The following MID1 variants were observed in gnomAD, a reference collection of about 807,000 sequenced individuals.
MID1 encodes the protein E3 ubiquitin-protein ligase Midline-1.
In MID1, 7 loss-of-function variants were observed where a neutral mutation model predicts 40.4. The observed-to-expected ratio is 0.17, with a 90% confidence interval of 0.10 to 0.33. MID1 has a LOEUF of 0.33. Ranked by LOEUF, MID1 falls within the 10% of genes least tolerant of loss-of-function variation. The pLI, the probability that MID1 is intolerant of heterozygous loss-of-function variation, is 1.00. For synonymous variants in MID1, 229 were observed against 221.2 expected, an observed-to-expected ratio of 1.04 and a Z score of -0.31; for missense variants, 367 against 558.5, an observed-to-expected ratio of 0.66 and a Z score of 3.46.
At chrX:10,747,540 G>C (rs1461347377) in intron 1 of MID1, among the ~76,000 whole-genome samples, 2 of 112,191 alleles carry the variant, frequency 1.8e-5, no homozygotes, top group African/African-American at 6.5e-5. Context: ...TTTTTTAGAA[G>C]TCTATTTGGT....
intron 1 of MID1, among the ~76,000 whole-genome samples, chrX:10,679,246 G>A (rs1484833434): frequency 8.9e-6 from 1 of 112,254 alleles, no homozygotes. Flanking sequence ...AAGAGGGCAT[G>A]GGGCTGAGGG....
intron 1 of MID1, among the ~76,000 whole-genome samples, chrX:10,570,573 T>C (rs1053654874): frequency 1.8e-5 from 2 of 112,577 alleles, no homozygotes; most frequent in Non-Finnish European, 3.7e-5. Flanking sequence ...TTAAATGTAC[T>C]GACTTTTCAG....
chrX:10,781,511 T>C (rs1003125280), intron 1 of MID1, among the ~76,000 whole-genome samples: 8 of 111,810 alleles, frequency 7.2e-5, no homozygotes, highest in Non-Finnish European at 1.5e-4. Context: ...TTTCTCAGAG[T>C]CTTTCTAGTG....
At chrX:10,556,110 A>T (rs186328051) in intron 2 of MID1, among the ~76,000 whole-genome samples, 2 of 110,765 alleles carry the variant, frequency 1.8e-5, no homozygotes, top group East Asian at 5.6e-4. Flanking sequence ...AAAAAAAAAG[A>T]AAGCTAGCCC....
intron 8 of MID1, among the ~76,000 whole-genome samples, chrX:10,456,666 A>G (rs753683015): frequency 1.8e-5 from 2 of 111,347 alleles, no homozygotes; most frequent in Non-Finnish European, 3.8e-5. Context: ...GTAAAACCCC[A>G]TCTCTACTAA....
chrX:10,562,547 C>T (rs1370313703), intron 2 of MID1, among the ~76,000 whole-genome samples: 1 of 104,715 alleles, frequency 9.5e-6, no homozygotes, highest in Non-Finnish European at 1.9e-5. Context: ...ATAAGTGAGA[C>T]CATATGCAAT....
At chrX:10,475,499 T>C (rs73492954) in intron 5 of MID1, among the ~76,000 whole-genome samples, 2,591 of 111,977 alleles carry the variant, frequency 0.023, 61 homozygotes, top group African/African-American at 0.081. Context: ...TCTCCTTCTA[T>C]GTACTCTCAG....
chrX:10,468,858 T>C (rs983396762), intron 7 of MID1, among the ~76,000 whole-genome samples: 3 of 112,338 alleles, frequency 2.7e-5, no homozygotes, highest in Non-Finnish European at 3.8e-5. Context: ...TGGGACCAGG[T>C]ATTTAACTTT....
chrX:10,754,323 G>GGT (rs2043618864), intron 1 of MID1, among the ~76,000 whole-genome samples: 1 of 106,185 alleles, frequency 9.4e-6, no homozygotes, highest in African/African-American at 3.7e-5. Flanking sequence ...TTTGTTTTTT[G>GGT]TTTTTTTTGT....
chrX:10,750,557 G>A (rs1172343755), intron 1 of MID1, among the ~76,000 whole-genome samples: 1 of 110,681 alleles, frequency 9.0e-6, no homozygotes, highest in East Asian at 2.8e-4. Context: ...CTGGAACCTG[G>A]GAGGAGGAGG....
At chrX:10,704,714 G>GTA (rs1272594142) in intron 1 of MID1, among the ~76,000 whole-genome samples, 44 of 68,961 alleles carry the variant, frequency 6.4e-4, no homozygotes, top group Middle Eastern at 7.5e-3. Context: ...ATGTGTGTGT[G>GTA]TGTATATATA....
intron 1 of MID1, among the ~76,000 whole-genome samples, chrX:10,777,161 A>G (rs939335815): frequency 1.8e-5 from 2 of 112,246 alleles, no homozygotes; most frequent in African/African-American, 6.5e-5. Flanking sequence ...CTGAGGAAAA[A>G]TCTGCCTGGA....
At chrX:10,674,032 A>C (rs1011973162) in intron 1 of MID1, among the ~76,000 whole-genome samples, 5 of 112,157 alleles carry the variant, frequency 4.5e-5, no homozygotes, top group Non-Finnish European at 9.4e-5. Flanking sequence ...AACAGAAAAA[A>C]CTAATACATC....
intron 2 of MID1, among the ~76,000 whole-genome samples, chrX:10,536,498 C>T (rs758337161): frequency 2.7e-5 from 3 of 112,508 alleles, no homozygotes; most frequent in South Asian, 7.3e-4. Flanking sequence ...GTTGCTAAAG[C>T]GGAAGTCAAA....
intron 7 of MID1, 134 bp downstream of exon 7, chrX:10,469,561 TTG>T: frequency 8.3e-7 from 1 of 1,206,257 alleles, no homozygotes; most frequent in Non-Finnish European, 1.1e-6. Flanking sequence ...TATCACTTTT[TTG>T]TTCAAGAAAG....
At chrX:10,584,223 A>G (rs760708045) in intron 1 of MID1, among the ~76,000 whole-genome samples, 2 of 111,971 alleles carry the variant, frequency 1.8e-5, no homozygotes, top group African/African-American at 3.2e-5. Context: ...GGGCTTTACC[A>G]TTAAGCCCCA....
chrX:10,604,920 G>C (rs1935597053), intron 1 of MID1, among the ~76,000 whole-genome samples: 1 of 112,574 alleles, frequency 8.9e-6, no homozygotes, highest in African/African-American at 3.2e-5. Context: ...TTGTTTAACA[G>C]GATTGCCAAA....
In MID1 at chrX:10,469,804, G is replaced by A; in HGVS notation, c.1178C>T (p.Thr393Ile). 8.3e-7 allele frequency: 1 copy of A among 1,211,440 alleles called. No individual in the cohort carries two copies. Among genetic ancestry groups the A allele is most frequent in the Non-Finnish European group, 1.1e-6 (1 of 895,274 alleles). The change falls in exon 7 of 10, where the codon ACA becomes ATA. Residue 393 changes from threonine (T) to isoleucine (I), a missense_variant. Physicochemically the swap from Thr to Ile is moderately conservative, Grantham distance 89. Coordinates refer to ENST00000317552, the MANE Select transcript of MID1 (RefSeq NM_000381.4). ...CACAGTGATGGTGTCATATGAAGCT[G>A]TGCAGAGCTCTTCTCTAATTGTGGG... is the stretch of plus-strand genomic sequence containing the variant. ...NPPTIREELCTASYDTITVHW... is the reference protein window; with the variant it reads ...NPPTIREELCIASYDTITVHW...
chrX:10,561,924 T>C lies in MID1; in HGVS notation c.660+4964A>G, dbSNP rs1934354311. ...TGCTATAAAGACACATGCACACATA[T>C]GTTTATTGCAGTACTATTTACAATA... On this transcript the variant is annotated intron_variant, in intron 2 of 9. Transcript: ENST00000317552. Among the ~76,000 whole-genome samples, 2 of 107,179 alleles carry C rather than the reference T, an allele frequency of 1.9e-5. 1 individual carries two copies. Among genetic ancestry groups the C allele is most frequent in the African/African-American group, 7.5e-5 (2 of 26,785 alleles). 93.1% of individuals were successfully genotyped at this position (107,179 alleles called of 115,157 possible).
Sources: gnomAD v4.1 joint callset for allele counts (sites outside exome capture counted in the v4.1 genomes callset) on GRCh38, gnomAD v4.1.1 for gene constraint, MANE v1.5 for transcripts, NCBI Gene and HGNC (gene_info 2026-07-23, HGNC 2026-07-21) for gene names.